ATXN7: variants seen among roughly 807,000 people sequenced by gnomAD.
ATXN7 encodes ataxin-7.
In ATXN7, 12 loss-of-function variants were observed where a neutral mutation model predicts 70.5. The observed-to-expected ratio is 0.17, with a 90% CI of 0.11 to 0.28. The LOEUF is 0.28. Among genes scored for constraint, ATXN7 ranks in the 10% least tolerant of loss-of-function variants. The probability of loss-of-function intolerance (pLI) is 1.00; values close to 1 mark genes in which losing one functional copy is unlikely to be tolerated. For missense variants in ATXN7, 1,256 were observed against 1,131.7 expected (o/e 1.11, Z -1.58); for synonymous variants, 498 against 448.7 (o/e 1.11, Z -1.39).
At chr3:63,994,568 C>G (rs1406692279) in intron 11 of ATXN7, among the ~76,000 whole-genome samples, 2 of 152,146 alleles carry the variant, frequency 1.3e-5, no homozygotes, top group Non-Finnish European at 2.9e-5. Context: ...CAAATACTTG[C>G]AGTCATTAAT....
chr3:63,958,812 A>T (rs965580065), intron 5 of ATXN7, among the ~76,000 whole-genome samples: 2 of 152,218 alleles, frequency 1.3e-5, no homozygotes, highest in African/African-American at 4.8e-5. Flanking sequence ...CTTAGTTTAC[A>T]GATCAAAGTC....
At chr3:63,948,486 A>G (rs1353903398) in intron 4 of ATXN7, among the ~76,000 whole-genome samples, 1 of 152,076 alleles carries the variant, frequency 6.6e-6, no homozygotes, top group Non-Finnish European at 1.5e-5. Flanking sequence ...TGGAGATAGA[A>G]ACTTGTGAGT....
intron 1 of ATXN7, chr3:63,866,961 T>G (rs987956260): frequency 3.9e-5 from 5 of 128,864 alleles, no homozygotes; most frequent in African/African-American, 1.4e-4. Flanking sequence ...GATTTCTGGG[T>G]TTTTTTTTTT....
At chr3:63,998,752 CA>C (rs2075800158) in intron 12 of ATXN7, 1 of 940,742 alleles carries the variant, frequency 1.1e-6, no homozygotes, top group East Asian at 1.2e-4. Context: ...ATAAGAATCT[CA>C]AAGGGACTCG....
At chr3:63,997,617 T>A in intron 12 of ATXN7, 2 of 1,551,028 alleles carry the variant, frequency 1.3e-6, no homozygotes, top group Non-Finnish European at 1.7e-6. Context: ...ATTTTATTCA[T>A]CAGGATATCT....
At chr3:63,998,666 T>TA in intron 12 of ATXN7, 1 of 985,418 alleles carries the variant, frequency 1.0e-6, no homozygotes, top group Non-Finnish European at 1.2e-6. Flanking sequence ...GGTGCTTGCT[T>TA]AGAGATCAAA....
At position 63,976,374 on chromosome 3, in the gene ATXN7, G is replaced by A. The variant is rs529877682; in HGVS notation, c.500-3541G>A. On this transcript the variant is annotated intron_variant, in intron 5 of 12. Transcript: ENST00000674280. ...ATTCAGTAGCATGACAAGAATTTGA[G>A]CTGGCACTTTTCAGCCAGAATCTCA... 1.9e-4 allele frequency among the ~76,000 whole-genome samples: 29 copies of A among 152,326 alleles called. No homozygotes were observed. In the South Asian group the frequency reaches 5.6e-3, roughly 29 times the overall value.
intron 4 of ATXN7, among the ~76,000 whole-genome samples, chr3:63,925,584 C>T (rs566939169): frequency 2.6e-4 from 40 of 152,100 alleles, no homozygotes; most frequent in South Asian, 6.2e-4. Context: ...TTGTCTTCCA[C>T]GAAACTGGTC....
At chr3:63,972,557 A>G (rs761763602) in intron 5 of ATXN7, among the ~76,000 whole-genome samples, 3 of 152,186 alleles carry the variant, frequency 2.0e-5, no homozygotes, top group Admixed American at 6.5e-5. Flanking sequence ...TTGGATCTGT[A>G]AACTGAATTT....
At chr3:63,976,496 T>C (rs2075390443) in intron 5 of ATXN7, among the ~76,000 whole-genome samples, 1 of 152,228 alleles carries the variant, frequency 6.6e-6, no homozygotes, top group African/African-American at 2.4e-5. Context: ...TAAATAGTTT[T>C]TATTGTTATT....
At chr3:63,978,998 A>AT (rs1187665673) in intron 5 of ATXN7, among the ~76,000 whole-genome samples, 2 of 152,204 alleles carry the variant, frequency 1.3e-5, no homozygotes, top group Non-Finnish European at 2.9e-5. Flanking sequence ...CAAATGTGTA[A>AT]TTTTAAATTA....
intron 5 of ATXN7, among the ~76,000 whole-genome samples, chr3:63,959,978 C>T (rs1263805905): frequency 1.3e-5 from 2 of 152,158 alleles, no homozygotes; most frequent in Admixed American, 1.3e-4. Context: ...TAATACAATA[C>T]ATTGTATTAA....
chr3:63,863,510 G>C (rs1200463590), upstream of ATXN7: 2 of 1,186,628 alleles, frequency 1.7e-6, no homozygotes, highest in African/African-American at 3.2e-5. Context: ...ACACCCTATA[G>C]CCCCGCGCTG....
intron 12 of ATXN7, among the ~76,000 whole-genome samples, chr3:63,997,337 G>A (rs750851475): frequency 2.6e-4 from 39 of 152,080 alleles, no homozygotes; most frequent in Non-Finnish European, 4.4e-4. Context: ...TTCTCTTCCC[G>A]TTTTTGAGGG....
In ATXN7 at chr3:63,912,577, T is replaced by G. The variant is rs1704073150; in HGVS notation, c.-11-11T>G. On this transcript the variant is annotated splice_polypyrimidine_tract_variant and intron_variant, in intron 2 of 12. Transcript: ENST00000674280. ...CGCGACTCTTTCCCCCTTTTTTTTG[T>G]TACATTGTAGGAGCGGAAAGAATGT... is the stretch of plus-strand genomic sequence containing the variant. 1 of 1,121,756 alleles carries G rather than the reference T, an allele frequency of 8.9e-7. No homozygotes were observed. The highest frequency in any genetic ancestry group is 9.0e-5 in the East Asian group (1 of 11,124). The allele number at this position is 1,121,756 out of a possible 1,614,324, so 69.5% of individuals were successfully genotyped here. A position where few individuals can be genotyped will look rare whatever the true frequency, so the allele number is the denominator to read the frequency against.
At chr3:63,895,370 CT>C (rs1165969474) in intron 1 of ATXN7, among the ~76,000 whole-genome samples, 2 of 152,154 alleles carry the variant, frequency 1.3e-5, no homozygotes, top group East Asian at 3.8e-4. Flanking sequence ...GCATTGTAGG[CT>C]TTTCTCTGTT....
intron 5 of ATXN7, among the ~76,000 whole-genome samples, chr3:63,970,450 G>C (rs1167441936): frequency 6.6e-6 from 1 of 152,106 alleles, no homozygotes; most frequent in African/African-American, 2.4e-5. Flanking sequence ...GTGATCAACT[G>C]TTGTGACATT....
At chr3:63,984,644 T>G (rs2075544658) in intron 8 of ATXN7, among the ~76,000 whole-genome samples, 1 of 152,262 alleles carries the variant, frequency 6.6e-6, no homozygotes, top group African/African-American at 2.4e-5. Context: ...TTCAGTCATT[T>G]ACAAAGCGTG....
rs1398359223 is a variant in ATXN7, at chr3:63,864,126, G to A, written c.-143G>A. ...GCAGCCCCCGCCCGGCCCACGCCCA[G>A]AGGCCGCCCCGGAGGCCGCAGCCAG... On this transcript the variant is annotated 5_prime_UTR_variant, in exon 1 of 13. Transcript: ENST00000674280. 6.8e-6 allele frequency among the ~76,000 whole-genome samples: 1 copy of A among 147,402 alleles called. No homozygotes were observed. Among genetic ancestry groups the A allele is most frequent in the Non-Finnish European group, 1.5e-5 (1 of 66,564 alleles).
Sources: allele counts gnomAD v4.1 joint callset (sites outside exome capture counted in the v4.1 genomes callset), GRCh38; gene constraint gnomAD v4.1.1; transcripts MANE v1.5; gene names NCBI Gene and HGNC (gene_info 2026-07-23, HGNC 2026-07-21).